CDRT4: variants seen among roughly 807,000 people sequenced by gnomAD.
CDRT4 encodes CMT1A duplicated region transcript 4 protein.
For missense variants in CDRT4, 167 were observed against 193.1 expected (o/e 0.87, Z 0.80); for synonymous variants, 64 against 69.6 (o/e 0.92, Z 0.40).
chr17:15,437,515 A>G lies in CDRT4; in HGVS notation c.*258T>C, dbSNP rs975546044. On this transcript the variant is annotated 3_prime_UTR_variant, in exon 4 of 4. Coordinates refer to ENST00000619038, the MANE Select transcript of CDRT4 (RefSeq NM_001204477.2). ...ACAAATCACCCACATTTTGGTCCTG[A>G]GAATCTGCAGCAGAGACTAGAGCCA... 2 of 523,150 alleles carry G rather than the reference A, an allele frequency of 3.8e-6. No homozygotes were observed. The highest frequency in any genetic ancestry group is 6.8e-5 in the Admixed American group (2 of 29,346). 32.4% of individuals were successfully genotyped at this position (523,150 alleles called of 1,614,324 possible).
chr17:15,467,075 A>G (rs1436348573), intron 1 of CDRT4, among the ~76,000 whole-genome samples: 1 of 151,940 alleles, frequency 6.6e-6, no homozygotes, highest in East Asian at 1.9e-4. Flanking sequence ...GATGGGGGGG[A>G]ACGGGGGTAT....
rs1217379473 is a variant in CDRT4 at position 15,436,186 on chromosome 17, G to A, written c.*1587C>T. The A allele has an allele frequency of 6.6e-6, 1 of 152,240 alleles. No individual in the cohort carries two copies. Among genetic ancestry groups the A allele is most frequent in the Non-Finnish European group, 1.5e-5 (1 of 68,048 alleles). 9.4% of individuals were successfully genotyped at this position (152,240 alleles called of 1,614,324 possible). ...TCTAGAGCTCCTAATTTAGGCAGCT[G>A]TCCCAACATAAAAGCACAAGAGCCA... On this transcript the variant is annotated 3_prime_UTR_variant, in exon 4 of 4. Coordinates refer to ENST00000619038, the MANE Select transcript of CDRT4 (RefSeq NM_001204477.2).
At chr17:15,458,810 G>T (rs867203678) in intron 1 of CDRT4, among the ~76,000 whole-genome samples, 2 of 152,278 alleles carry the variant, frequency 1.3e-5, no homozygotes, top group African/African-American at 4.8e-5. Context: ...GTCAAGGGGT[G>T]GTTCTGGGAT....
At chr17:15,458,723 G>A (rs1319457592) in intron 1 of CDRT4, among the ~76,000 whole-genome samples, 1 of 152,092 alleles carries the variant, frequency 6.6e-6, no homozygotes, top group Non-Finnish European at 1.5e-5. Context: ...AATTATTGAG[G>A]GCCTCCTACT....
At chr17:15,439,970 A>T (rs1230443192) in intron 3 of CDRT4, among the ~76,000 whole-genome samples, 1 of 152,110 alleles carries the variant, frequency 6.6e-6, no homozygotes, top group African/African-American at 2.4e-5. Context: ...GGATAGCATT[A>T]GGAGATATAC....
chr17:15,454,628 GTGT>G (rs1979405297), intron 1 of CDRT4, among the ~76,000 whole-genome samples: 1 of 152,150 alleles, frequency 6.6e-6, no homozygotes, highest in Non-Finnish European at 1.5e-5. Flanking sequence ...TGCAGCCCTG[GTGT>G]AGAATGACTT....
chr17:15,441,420 G>T (rs1380869698), intron 2 of CDRT4, among the ~76,000 whole-genome samples: 2 of 152,202 alleles, frequency 1.3e-5, no homozygotes, highest in Non-Finnish European at 1.5e-5. Flanking sequence ...AAATGATACT[G>T]ATGTTGCTGG....
chr17:15,445,238 A>T (rs1183028850), intron 2 of CDRT4, among the ~76,000 whole-genome samples: 1 of 152,210 alleles, frequency 6.6e-6, no homozygotes, highest in East Asian at 1.9e-4. Context: ...AGATGTTAAT[A>T]GGTATTACTT....
chr17:15,451,880 A>C (rs1477559612), intron 2 of CDRT4, among the ~76,000 whole-genome samples: 1 of 152,146 alleles, frequency 6.6e-6, no homozygotes, highest in Non-Finnish European at 1.5e-5. Context: ...AACCAACTAG[A>C]CTATAAGCCA....
intron 1 of CDRT4, among the ~76,000 whole-genome samples, chr17:15,459,035 T>C (rs1400355205): frequency 6.6e-6 from 1 of 152,192 alleles, no homozygotes; most frequent in Admixed American, 6.5e-5. Context: ...GCAATTTTCA[T>C]GATTTGCCTT....
chr17:15,444,051 G>A, intron 2 of CDRT4: 1 of 913,062 alleles, frequency 1.1e-6, no homozygotes, highest in Non-Finnish European at 1.8e-6. Flanking sequence ...CCAGAAAGAT[G>A]AAGGAAACAA....
chr17:15,440,618 A>AT (rs34529949), intron 2 of CDRT4, among the ~76,000 whole-genome samples: 2 of 152,056 alleles, frequency 1.3e-5, no homozygotes, highest in African/African-American at 4.8e-5. Context: ...GAAAAAAAAA[A>AT]GTCCCCGTTT....
chr17:15,457,020 G>A lies in CDRT4; in HGVS notation c.-129-3935C>T, dbSNP rs558277597. 1.8e-4 allele frequency among the ~76,000 whole-genome samples: 28 copies of A among 152,248 alleles called. No homozygotes were observed. The South Asian group carries it at 4.8e-3, about 26-fold the overall frequency. ...ACGCACTGCTCAGCACCAAGAGATC[G>A]AACCAGATGCACTAGGGACGAGCCC... is the stretch of plus-strand genomic sequence containing the variant. On this transcript the variant is annotated intron_variant, in intron 1 of 3. Transcript: ENST00000619038.
intron 3 of CDRT4, among the ~76,000 whole-genome samples, chr17:15,438,525 A>G (rs1978610094): frequency 6.6e-6 from 1 of 152,224 alleles, no homozygotes; most frequent in Admixed American, 6.5e-5. Flanking sequence ...CTAAGGCCTG[A>G]GAACTAAAGA....
chr17:15,460,043 A>G (rs1979679056), intron 1 of CDRT4, among the ~76,000 whole-genome samples: 3 of 152,020 alleles, frequency 2.0e-5, no homozygotes, highest in Admixed American at 6.6e-5. Flanking sequence ...ACAGTGCCCC[A>G]ACTCCCAAAA....
At chr17:15,446,534 G>A (rs1490199823) in intron 2 of CDRT4, among the ~76,000 whole-genome samples, 1 of 152,104 alleles carries the variant, frequency 6.6e-6, no homozygotes, top group Admixed American at 6.5e-5. Flanking sequence ...TGCTGGACAC[G>A]TCTTCCTCTC....
intron 1 of CDRT4, among the ~76,000 whole-genome samples, chr17:15,460,846 A>G (rs1979714588): frequency 6.6e-6 from 1 of 151,410 alleles, no homozygotes; most frequent in South Asian, 2.1e-4. Context: ...CACCTCTTAG[A>G]TCTCTCTGTT....
intron 2 of CDRT4, chr17:15,444,122 G>C: frequency 1.6e-6 from 2 of 1,275,322 alleles, no homozygotes; most frequent in Non-Finnish European, 2.2e-6. Context: ...TTAAAAACAA[G>C]GCAATCAGGA....
chr17:15,444,143 TG>T, intron 2 of CDRT4: 1 of 1,268,804 alleles, frequency 7.9e-7, no homozygotes, highest in Non-Finnish European at 1.1e-6. Flanking sequence ...AATTTTTGGA[TG>T]GTATATATGT....
Sources: gnomAD v4.1 joint callset for allele counts (sites outside exome capture counted in the v4.1 genomes callset) on GRCh38, gnomAD v4.1.1 for gene constraint, MANE v1.5 for transcripts, NCBI Gene and HGNC (gene_info 2026-07-23, HGNC 2026-07-21) for gene names.